Variants in ARHGEF38 observed in about 807,000 individuals in gnomAD.
ARHGEF38 encodes the protein Rho guanine nucleotide exchange factor 38, also known as Rho guanine nucleotide exchange factor (GEF) 38.
ARHGEF38 carries 79 observed loss-of-function variants against 79.9 expected under a neutral mutation model. The observed-to-expected ratio is 0.99, with a 90% confidence interval of 0.82 to 1.19. The LOEUF (loss-of-function observed/expected upper bound fraction) is 1.19, where lower values mean the gene tolerates loss of function less well. Among genes scored for constraint, ARHGEF38 ranks in the 50% most tolerant of loss-of-function variants. ARHGEF38 has a pLI of 0.00. For synonymous variants in ARHGEF38, 366 were observed against 328.3 expected, an observed-to-expected ratio of 1.11 and a Z score of -1.24; for missense variants, 962 against 907.2, an observed-to-expected ratio of 1.06 and a Z score of -0.78.
chr4:105,681,985 A>G (rs561957359), downstream of ARHGEF38, among the ~76,000 whole-genome samples: 1 of 152,292 alleles, frequency 6.6e-6, no homozygotes, highest in Non-Finnish European at 1.5e-5. Context: ...TTTTTCTTCA[A>G]AACTTATCAG....
intron 5 of ARHGEF38, among the ~76,000 whole-genome samples, chr4:105,642,183 G>GATT (rs1729645958): frequency 6.6e-6 from 1 of 151,978 alleles, no homozygotes; most frequent in Admixed American, 6.6e-5. Flanking sequence ...TGAAAGCATG[G>GATT]AGTATTATTA....
chr4:105,645,144 A>G (rs1397726957), intron 5 of ARHGEF38, 44 bp from the exon 6 acceptor site: 2 of 1,235,502 alleles, frequency 1.6e-6, no homozygotes, highest in Non-Finnish European at 2.1e-6. Context: ...ATGTGTTAAT[A>G]AAACATATGT....
At chr4:105,609,263 T>A (rs1560719066) in intron 2 of ARHGEF38, among the ~76,000 whole-genome samples, 1 of 152,036 alleles carries the variant, frequency 6.6e-6, no homozygotes, top group African/African-American at 2.4e-5. Context: ...TCCTTTCCCA[T>A]TGTGTGTTCT....
At chr4:105,571,315 CTT>C (rs1419960471) in intron 1 of ARHGEF38, among the ~76,000 whole-genome samples, 1 of 117,972 alleles carries the variant, frequency 8.5e-6, no homozygotes, top group African/African-American at 3.2e-5. Flanking sequence ...CTTTTTTTTT[CTT>C]TTTCTTTTTT....
At chr4:105,581,592 ATTG>A (rs1726792309) in intron 1 of ARHGEF38, among the ~76,000 whole-genome samples, 1 of 152,148 alleles carries the variant, frequency 6.6e-6, no homozygotes, top group South Asian at 2.1e-4. Context: ...TTAGCCATTT[ATTG>A]ATTAAACAAA....
At chr4:105,558,214 A>T (rs906952854) in intron 1 of ARHGEF38, among the ~76,000 whole-genome samples, 1 of 152,200 alleles carries the variant, frequency 6.6e-6, no homozygotes, top group Admixed American at 6.5e-5. Context: ...ACTTGGTAAG[A>T]CTATGAGGGC....
intron 1 of ARHGEF38, among the ~76,000 whole-genome samples, chr4:105,560,064 A>G (rs1480434086): frequency 6.6e-6 from 1 of 152,218 alleles, no homozygotes; most frequent in African/African-American, 2.4e-5. Context: ...ATGATTTACT[A>G]AGAAGTCAAA....
At position 105,564,348 on chromosome 4, in the gene ARHGEF38, T is replaced by C. The variant is rs149699539; in HGVS notation, c.196+11387T>C. On this transcript the variant is annotated intron_variant, in intron 1 of 13. Coordinates refer to ENST00000420470, the MANE Select transcript of ARHGEF38 (RefSeq NM_001242729.2). The stretch of plus-strand genomic sequence containing the variant: ...CATTTGCAGTAAAATTCTGACACGC[T>C]ACTACATGGATGATCATCAAAGATA... Among the ~76,000 whole-genome samples, 277 of 152,286 alleles carry C rather than the reference T, an allele frequency of 1.8e-3. 2 individuals are homozygous for C. The highest frequency in any genetic ancestry group is 0.01 in the Middle Eastern group (3 of 294).
intron 1 of ARHGEF38, among the ~76,000 whole-genome samples, chr4:105,568,037 G>GT (rs1390386346): frequency 1.4e-5 from 2 of 146,404 alleles, no homozygotes; most frequent in Admixed American, 7.0e-5. Context: ...GCGGTGTTTG[G>GT]TTTTTTGTTC....
intron 1 of ARHGEF38, among the ~76,000 whole-genome samples, chr4:105,585,316 C>T (rs1452414018): frequency 1.3e-5 from 2 of 152,184 alleles, no homozygotes; most frequent in East Asian, 3.9e-4. Flanking sequence ...GAAACCAAGG[C>T]TCTGTGAGGA....
Position 105,680,142 on chromosome 4 carries a change from G to T in ARHGEF38, c.*2205G>T, listed in dbSNP as rs758626509. On this transcript the variant is annotated 3_prime_UTR_variant, in exon 14 of 14. Coordinates refer to ENST00000420470, the MANE Select transcript of ARHGEF38 (RefSeq NM_001242729.2). ...AAGGAGGAAATTGAGGACCTCACAT[G>T]GAGGGACTGGAATTTAAAACCAGGT... 1.1e-5 allele frequency: 7 copies of T among 656,012 alleles called. No individual in the cohort carries two copies. The African/African-American group carries it at 1.3e-4, about 12-fold the overall frequency. The allele number at this position is 656,012 out of a possible 1,614,324, so 40.6% of individuals were successfully genotyped here. A position where few individuals can be genotyped will look rare whatever the true frequency, so the allele number is the denominator to read the frequency against.
chr4:105,599,147 A>G (rs1727712329), intron 2 of ARHGEF38, among the ~76,000 whole-genome samples: 1 of 152,246 alleles, frequency 6.6e-6, no homozygotes, highest in South Asian at 2.1e-4. Flanking sequence ...TGGGAAGGAA[A>G]TCTCTTATCT....
At chr4:105,585,666 A>G (rs1726998635) in intron 1 of ARHGEF38, among the ~76,000 whole-genome samples, 1 of 144,818 alleles carries the variant, frequency 6.9e-6, no homozygotes, top group Admixed American at 6.9e-5. Context: ...TATGCAAACT[A>G]TTGGGAAACA....
intron 2 of ARHGEF38, among the ~76,000 whole-genome samples, chr4:105,593,665 A>G (rs1415906607): frequency 1.3e-5 from 2 of 152,216 alleles, no homozygotes; most frequent in Non-Finnish European, 2.9e-5. Flanking sequence ...GCCAATTTAA[A>G]TAATCTGCTA....
chr4:105,677,654 A>C, intron 13 of ARHGEF38, 98 bp from the exon 14 acceptor site: 1 of 1,174,376 alleles, frequency 8.5e-7, no homozygotes, highest in Non-Finnish European at 1.1e-6. Flanking sequence ...CAAAACAAAA[A>C]AACTTTAGCA....
At chr4:105,643,441 A>C (rs753718414) in intron 5 of ARHGEF38, among the ~76,000 whole-genome samples, 8 of 152,174 alleles carry the variant, frequency 5.3e-5, no homozygotes, top group Non-Finnish European at 1.0e-4. Context: ...CTTTTTAAAA[A>C]AATGTTGCCT....
intron 2 of ARHGEF38, among the ~76,000 whole-genome samples, chr4:105,611,593 G>A (rs1343770910): frequency 6.6e-6 from 1 of 151,820 alleles, no homozygotes; most frequent in East Asian, 1.9e-4. Context: ...CCATGTAACT[G>A]TTATATGCCT....
At chr4:105,653,524 T>A (rs1019340545) in intron 7 of ARHGEF38, among the ~76,000 whole-genome samples, 1 of 152,156 alleles carries the variant, frequency 6.6e-6, no homozygotes, top group Admixed American at 6.6e-5. Flanking sequence ...GGTTTCACCA[T>A]ATTGGCCAGG....
At chr4:105,644,433 T>C (rs1309550973) in intron 5 of ARHGEF38, among the ~76,000 whole-genome samples, 1 of 152,238 alleles carries the variant, frequency 6.6e-6, no homozygotes, top group Admixed American at 6.5e-5. Context: ...GACAATGGCA[T>C]GACCAAGCTT....
Sources: allele counts gnomAD v4.1 joint callset (sites outside exome capture counted in the v4.1 genomes callset), GRCh38; gene constraint gnomAD v4.1.1; transcripts MANE v1.5; gene names NCBI Gene and HGNC (gene_info 2026-07-23, HGNC 2026-07-21).